The following TENM2 variants were observed in gnomAD, a reference collection of about 807,000 sequenced individuals.
The protein encoded by TENM2 is teneurin transmembrane protein 2, also known as teneurin-2.
Under a neutral mutation model 245.2 loss-of-function variants are expected in TENM2, and 52 were observed. That is an observed-to-expected ratio of 0.21 (90% CI 0.17 to 0.27). The LOEUF (loss-of-function observed/expected upper bound fraction) is 0.27. Ranked by LOEUF, TENM2 falls within the 10% of genes least tolerant of loss-of-function variation. TENM2 has a pLI of 1.00. For missense variants in TENM2, 3,046 were observed against 3,666.8 expected, an observed-to-expected ratio of 0.83 and a Z score of 4.37; for synonymous variants, 1,363 against 1,438.9, an observed-to-expected ratio of 0.95 and a Z score of 1.19.
intron 2 of TENM2, among the ~76,000 whole-genome samples, chr5:167,394,419 A>T (rs1320547289): frequency 6.6e-6 from 1 of 152,144 alleles, no homozygotes; most frequent in Admixed American, 6.6e-5. Flanking sequence ...GTTGAAGATC[A>T]GTTGACTATA....
At chr5:168,253,485 GTA>G (rs1767334968) in intron 27 of TENM2, among the ~76,000 whole-genome samples, 2 of 150,310 alleles carry the variant, frequency 1.3e-5, no homozygotes, top group South Asian at 2.1e-4. Context: ...GAGTGCAGTG[GTA>G]CGATCTTGGC....
intron 4 of TENM2, among the ~76,000 whole-genome samples, chr5:167,975,351 G>A (rs939382039): frequency 6.6e-6 from 1 of 152,278 alleles, no homozygotes; most frequent in African/African-American, 2.4e-5. Context: ...CCTGGGACTT[G>A]TTTTGTGATA....
the TENM2 span, among the ~76,000 whole-genome samples, chr5:166,986,966 A>T: frequency 6.6e-6 from 1 of 152,178 alleles, no homozygotes; most frequent in Non-Finnish European, 1.5e-5. Flanking sequence ...TCTGTAATAG[A>T]AGTTATTACA....
At chr5:167,538,266 A>G (rs1771978514) in intron 2 of TENM2, among the ~76,000 whole-genome samples, 2 of 152,378 alleles carry the variant, frequency 1.3e-5, no homozygotes, top group East Asian at 3.9e-4. Flanking sequence ...TAATCGAGAC[A>G]TACTTATCCT....
chr5:167,117,650 G>A, the TENM2 span, among the ~76,000 whole-genome samples: 1 of 152,162 alleles, frequency 6.6e-6, no homozygotes, highest in Admixed American at 6.5e-5. Context: ...TCACAAAGAT[G>A]ATAGACTCTT....
chr5:167,894,952 AGG>A (rs1384388048), intron 3 of TENM2, among the ~76,000 whole-genome samples: 13 of 122,350 alleles, frequency 1.1e-4, no homozygotes, highest in Admixed American at 3.4e-4. Context: ...GAAGGAAGGA[AGG>A]AAGGAAGGAA....
At chr5:167,376,371 T>A (rs1179825827) in intron 2 of TENM2, among the ~76,000 whole-genome samples, 1 of 152,192 alleles carries the variant, frequency 6.6e-6, no homozygotes, top group African/African-American at 2.4e-5. Context: ...ACCATTAAAA[T>A]GTTTACAAAT....
chr5:167,746,681 G>GAGAGAGAGAGAGAA (rs1761591877), intron 2 of TENM2, among the ~76,000 whole-genome samples: 2 of 119,544 alleles, frequency 1.7e-5, no homozygotes, highest in Admixed American at 1.6e-4. Context: ...CCAACAGAGA[G>GAGAGAGAGAGAGAA]AGAGAGAGAG....
chr5:167,352,347 G>A (rs1221127264), intron 1 of TENM2, among the ~76,000 whole-genome samples: 1 of 152,134 alleles, frequency 6.6e-6, no homozygotes, highest in East Asian at 1.9e-4. Context: ...TTTGCAAAAT[G>A]TGATCTAATG....
chr5:167,490,320 G>A (rs1768347900), intron 2 of TENM2, among the ~76,000 whole-genome samples: 1 of 152,122 alleles, frequency 6.6e-6, no homozygotes. Context: ...AGACAGAAGA[G>A]TCTTCCTTAT....
At chr5:167,632,668 T>TCA (rs1298539711) in intron 2 of TENM2, among the ~76,000 whole-genome samples, 2 of 151,990 alleles carry the variant, frequency 1.3e-5, no homozygotes, top group Admixed American at 6.6e-5. Flanking sequence ...CTAGGAAAAT[T>TCA]CACGCACACA....
rs1046161165 is a variant in TENM2 at position 168,239,601 on chromosome 5, C to T, written c.5521-4819C>T. Among the ~76,000 whole-genome samples, 8 of 152,124 alleles carry T rather than the reference C, an allele frequency of 5.3e-5. 1 individual carries two copies. Among genetic ancestry groups the T allele is most frequent in the Admixed American group, 3.9e-4 (6 of 15,276 alleles). ...TTTTGTAATCCCATCCAAGCACTAA[C>T]CAGGCCTGATCCTGCTTAGCTTATG... On this transcript the variant is annotated intron_variant, in intron 25 of 28. Transcript: ENST00000518659.
chr5:167,592,282 A>T (rs923829725), intron 2 of TENM2, among the ~76,000 whole-genome samples: 3 of 152,182 alleles, frequency 2.0e-5, no homozygotes, highest in Admixed American at 1.3e-4. Context: ...CATCTGATTC[A>T]TCAGTGGGCA....
chr5:168,024,770 C>T (rs1470860437), intron 5 of TENM2, among the ~76,000 whole-genome samples: 5 of 152,186 alleles, frequency 3.3e-5, no homozygotes, highest in South Asian at 2.1e-4. Flanking sequence ...AGGGCCCACT[C>T]GCCAGGCTGG....
At chr5:167,801,095 GAA>G (rs1176405769) in intron 2 of TENM2, among the ~76,000 whole-genome samples, 2,662 of 50,566 alleles carry the variant, frequency 0.053, 122 homozygotes, top group Admixed American at 0.082. Context: ...TATTTGAAAA[GAA>G]AAAAAAAAAA....
the TENM2 span, among the ~76,000 whole-genome samples, chr5:167,035,503 T>C: frequency 2.0e-5 from 3 of 152,248 alleles, no homozygotes; most frequent in African/African-American, 7.2e-5. Context: ...CCATTTTCTA[T>C]GTTACCTCAA....
chr5:167,326,171 A>T (rs1346131592), intron 1 of TENM2, among the ~76,000 whole-genome samples: 1 of 152,140 alleles, frequency 6.6e-6, no homozygotes, highest in Non-Finnish European at 1.5e-5. Context: ...GTGGGGCTGG[A>T]CTTCATGACA....
intron 10 of TENM2, among the ~76,000 whole-genome samples, chr5:168,120,960 A>T (rs2152341582): frequency 1.3e-5 from 2 of 152,290 alleles, no homozygotes; most frequent in Admixed American, 1.3e-4. Flanking sequence ...TGTGTAGGGG[A>T]GTGGGAAGGT....
rs1472754063 is a variant in TENM2 at position 167,718,868 on chromosome 5, A to G, written c.503-157118A>G. Among the ~76,000 whole-genome samples, 3 of 151,988 alleles carry G rather than the reference A, an allele frequency of 2.0e-5. No homozygotes were observed. The East Asian group carries it at 5.8e-4, about 29-fold the overall frequency. On this transcript the variant is annotated intron_variant, in intron 2 of 28. Transcript: ENST00000518659. ...CCTCAGTTTCCTTATCAGCACAATG[A>G]TGATACTACTGCCCATTTTTCAGCT...
Sources: gnomAD v4.1 joint callset for allele counts (sites outside exome capture counted in the v4.1 genomes callset) on GRCh38, gnomAD v4.1.1 for gene constraint, MANE v1.5 for transcripts, NCBI Gene and HGNC (gene_info 2026-07-23, HGNC 2026-07-21) for gene names.